UGGT2: variants seen among roughly 807,000 people sequenced by gnomAD.
UGGT2 encodes the protein UDP-glucose glycoprotein glucosyltransferase 2.
In UGGT2, 180 loss-of-function variants were observed where a neutral mutation model predicts 192.1. The ratio of observed to expected loss-of-function variants is 0.94; its 90% CI spans 0.83 to 1.06. The LOEUF is 1.06. Ranked by LOEUF, UGGT2 falls within the 50% of genes least tolerant of loss-of-function variation. The pLI, the probability that UGGT2 is intolerant of heterozygous loss-of-function variation, is 0.00. For missense variants in UGGT2, 1,849 were observed against 1,795.7 expected (o/e 1.03, Z -0.54); for synonymous variants, 580 against 591.0 (o/e 0.98, Z 0.27).
intron 5 of UGGT2, among the ~76,000 whole-genome samples, chr13:96,010,406 A>G (rs889247683): frequency 1.3e-5 from 2 of 152,168 alleles, no homozygotes; most frequent in African/African-American, 4.8e-5. Context: ...GCACATGTAC[A>G]CCAGAACTTA....
intron 22 of UGGT2, among the ~76,000 whole-genome samples, chr13:95,899,903 A>G (rs1363920058): frequency 6.6e-6 from 1 of 152,156 alleles, no homozygotes; most frequent in Non-Finnish European, 1.5e-5. Flanking sequence ...ACAGAATTCA[A>G]AAGTAAGTGA....
intron 20 of UGGT2, among the ~76,000 whole-genome samples, chr13:95,924,812 T>G (rs2048969076): frequency 1.3e-5 from 2 of 152,192 alleles, no homozygotes; most frequent in African/African-American, 4.8e-5. Flanking sequence ...AGTGAAACAC[T>G]GAGGACTCCT....
At position 95,854,361 on chromosome 13, in the gene UGGT2, T is replaced by C; in HGVS notation, c.4123A>G (p.Thr1375Ala). 6.2e-7 allele frequency: 1 copy of C among 1,613,812 alleles called. No individual in the cohort carries two copies. The highest frequency in any genetic ancestry group is 8.5e-7 in the Non-Finnish European group (1 of 1,179,864). Residue 1375 changes from threonine (T) to alanine (A), a missense_variant, in exon 35 of 39, where the codon ACA becomes GCA. Transcript: ENST00000376747. ...AAAAGATGTGATGCCCAGTATCCTG[T>C]TTTCCAGAAACGATATCCATCCATT... ...REMDGYRFWK[T>A]GYWASHLLRR...
chr13:95,953,012 G>GT (rs1314227966), intron 12 of UGGT2, among the ~76,000 whole-genome samples: 1 of 152,056 alleles, frequency 6.6e-6, no homozygotes, highest in East Asian at 1.9e-4. Flanking sequence ...TATACTTTAA[G>GT]TTTTTTAAAT....
rs140906439 is a variant in UGGT2 at position 95,837,032 on chromosome 13, C to A, written c.4401+54G>T. 1,029 of 1,313,398 alleles carry A rather than the reference C, an allele frequency of 7.8e-4. 16 individuals carry two copies. The East Asian group carries it at 0.021, about 27-fold the overall frequency. The allele number at this position is 1,313,398 out of a possible 1,614,324, so 81.4% of individuals were successfully genotyped here. On this transcript the variant is annotated intron_variant, in intron 37 of 38. Transcript: ENST00000376747. Reference sequence around the variant, plus strand: ...TTTGTAAAACAGAAAGAAAATATTTCTATTTAAACATTTCTGTATCTGCTT... The same window carrying A: ...TTTGTAAAACAGAAAGAAAATATTTATATTTAAACATTTCTGTATCTGCTT...
intron 20 of UGGT2, among the ~76,000 whole-genome samples, chr13:95,920,889 A>G (rs1168202474): frequency 6.6e-6 from 1 of 151,822 alleles, no homozygotes; most frequent in Non-Finnish European, 1.5e-5. Context: ...AGGATACAGG[A>G]ACGTGTATGT....
chr13:95,883,454 T>C (rs192817130), intron 27 of UGGT2, among the ~76,000 whole-genome samples: 162 of 152,296 alleles, frequency 1.1e-3, no homozygotes, highest in African/African-American at 3.8e-3. Flanking sequence ...TTTGGCTCTG[T>C]GTACCCACCC....
At chr13:95,906,945 C>A (rs532931040) in intron 20 of UGGT2, among the ~76,000 whole-genome samples, 1 of 152,236 alleles carries the variant, frequency 6.6e-6, no homozygotes, top group South Asian at 2.1e-4. Flanking sequence ...GTGGGTGCAG[C>A]CCAGGCAGGG....
chr13:95,887,329 T>C (rs1444378108), intron 26 of UGGT2: 1 of 512,808 alleles, frequency 2.0e-6, no homozygotes, highest in Non-Finnish European at 3.9e-6. Flanking sequence ...TCAATAAGAA[T>C]GGCTCATAAT....
At chr13:95,979,153 C>T (rs1211317488) in intron 10 of UGGT2, among the ~76,000 whole-genome samples, 2 of 152,060 alleles carry the variant, frequency 1.3e-5, no homozygotes, top group Non-Finnish European at 1.5e-5. Flanking sequence ...TTGCAATAAA[C>T]AACAAAGACG....
intron 23 of UGGT2, 112 bp downstream of exon 23, chr13:95,895,068 C>A (rs1680737862): frequency 1.8e-6 from 2 of 1,112,408 alleles, no homozygotes; most frequent in African/African-American, 1.7e-5. Context: ...TTATATATGT[C>A]TTTTATTATA....
intron 17 of UGGT2, among the ~76,000 whole-genome samples, chr13:95,931,578 C>T (rs2049272437): frequency 6.6e-6 from 1 of 152,104 alleles, no homozygotes; most frequent in African/African-American, 2.4e-5. Context: ...GAGGCTCAGG[C>T]ATGGCGGGCT....
At position 96,053,345 on chromosome 13, in the gene UGGT2, C is replaced by A; in HGVS notation, c.-33G>T. 6.4e-7 allele frequency: 1 copy of A among 1,570,332 alleles called. No individual in the cohort carries two copies. Among genetic ancestry groups the A allele is most frequent in the South Asian group, 1.2e-5 (1 of 86,546 alleles). On this transcript the variant is annotated 5_prime_UTR_variant, in exon 1 of 39. Coordinates refer to ENST00000376747, the MANE Select transcript of UGGT2 (RefSeq NM_020121.4). ...AGAGAAAAGCGCGAGTCCCTCGGAC[C>A]CGGTACCCACAGTCTGTGGCCGCCA...
intron 7 of UGGT2, chr13:95,995,256 AT>A (rs1252762699): frequency 1.1e-4 from 16 of 152,132 alleles, no homozygotes; most frequent in Non-Finnish European, 2.1e-4. Flanking sequence ...TCCAAGGCCA[AT>A]AAACATGAAA....
intron 38 of UGGT2, among the ~76,000 whole-genome samples, chr13:95,805,358 A>G (rs935451786): frequency 1.3e-5 from 2 of 152,068 alleles, no homozygotes; most frequent in Admixed American, 6.5e-5. Flanking sequence ...AGTGTAAAAT[A>G]ATGCAACTGC....
chr13:95,910,391 G>A (rs1284112668), intron 20 of UGGT2, among the ~76,000 whole-genome samples: 7 of 152,102 alleles, frequency 4.6e-5, no homozygotes, highest in Non-Finnish European at 8.8e-5. Flanking sequence ...AGGGATGGAG[G>A]AAGATCTACC....
chr13:95,856,614 T>G (rs1356375327), intron 33 of UGGT2: 1 of 440,094 alleles, frequency 2.3e-6, no homozygotes, highest in Non-Finnish European at 4.1e-6. Flanking sequence ...GGAAGATAAA[T>G]GTTCCCATAC....
At chr13:95,869,416 C>A (rs927561898) in intron 29 of UGGT2, among the ~76,000 whole-genome samples, 3 of 152,038 alleles carry the variant, frequency 2.0e-5, no homozygotes, top group African/African-American at 7.3e-5. Flanking sequence ...AATGGGATGA[C>A]TGGGTCAAAC....
chr13:95,993,920 C>T (rs552505024), intron 7 of UGGT2, among the ~76,000 whole-genome samples: 1 of 152,036 alleles, frequency 6.6e-6, no homozygotes, highest in South Asian at 2.1e-4. Context: ...ATTCATAGAG[C>T]ACTCACCATG....
Sources: gnomAD v4.1 joint callset for allele counts (sites outside exome capture counted in the v4.1 genomes callset) on GRCh38, gnomAD v4.1.1 for gene constraint, MANE v1.5 for transcripts, NCBI Gene and HGNC (gene_info 2026-07-23, HGNC 2026-07-21) for gene names.